ASTN2: variants seen among roughly 807,000 people sequenced by gnomAD.
ASTN2 encodes astrotactin 2.
Under a neutral mutation model 139.8 loss-of-function variants are expected in ASTN2, and 54 were observed. The ratio of observed to expected loss-of-function variants is 0.39; its 90% CI spans 0.31 to 0.48. ASTN2 has a LOEUF of 0.48. Ranked by LOEUF, ASTN2 falls within the 20% of genes least tolerant of loss-of-function variation. The pLI is 0.95. For missense variants in ASTN2, 1,565 were observed against 1,725.1 expected, an observed-to-expected ratio of 0.91 and a Z score of 1.64; for synonymous variants, 756 against 719.5, an observed-to-expected ratio of 1.05 and a Z score of -0.81.
rs75202675 is a variant in ASTN2 at position 117,268,273 on chromosome 9, G to A, written c.630+23053C>T. ...AGTGGTCGATATCAGGTGAATTAAT[G>A]TTGGATGGAATTCCTGGAGTCAAAT... is the stretch of plus-strand genomic sequence containing the variant. On this transcript the variant is annotated intron_variant, in intron 2 of 22. Coordinates refer to ENST00000313400, the MANE Select transcript of ASTN2 (RefSeq NM_001365068.1). 3.9e-5 allele frequency among the ~76,000 whole-genome samples: 6 copies of A among 152,320 alleles called. No homozygotes were observed. In the East Asian group the frequency reaches 1.2e-3, roughly 29 times the overall value.
At chr9:117,363,941 C>T (rs1213599618) in intron 1 of ASTN2, among the ~76,000 whole-genome samples, 2 of 152,148 alleles carry the variant, frequency 1.3e-5, no homozygotes, top group Non-Finnish European at 2.9e-5. Context: ...CATCCGCAAG[C>T]GTGGGCTGTT....
rs757902820 is a variant in ASTN2 at position 116,698,897 on chromosome 9, A to C, written c.2806+26874T>G. ...TCTACGTGACCAGTCAAGGTGAAGT[A>C]CTAGTCGCTGACCGTGGTAACTATC... On this transcript the variant is annotated intron_variant, in intron 16 of 22. Transcript: ENST00000313400. This position sits in a 1 kb window ranked among gnomAD's most constrained non-coding sequence, Gnocchi z 4.4. 14 of 1,614,234 alleles carry C rather than the reference A, an allele frequency of 8.7e-6. No homozygotes were observed. Among genetic ancestry groups the C allele is most frequent in the Non-Finnish European group, 4.2e-6 (5 of 1,180,046 alleles).
At chr9:117,176,767 C>T (rs148745592) in intron 3 of ASTN2, among the ~76,000 whole-genome samples, 281 of 152,056 alleles carry the variant, frequency 1.8e-3, no homozygotes, top group African/African-American at 6.4e-3. Flanking sequence ...ACTTCATCTC[C>T]AAAAAATTGT....
At chr9:117,049,209 A>G (rs750431665) in intron 5 of ASTN2, among the ~76,000 whole-genome samples, 1 of 151,994 alleles carries the variant, frequency 6.6e-6, no homozygotes, top group Non-Finnish European at 1.5e-5. Context: ...ATGTATCCAA[A>G]TGCCTCAAAG....
At chr9:117,123,980 G>A (rs139305203) in intron 4 of ASTN2, among the ~76,000 whole-genome samples, 101 of 152,250 alleles carry the variant, frequency 6.6e-4, no homozygotes, top group African/African-American at 1.9e-3. Context: ...GGCACGTAGC[G>A]TACACCCGAA....
At chr9:117,048,874 T>A (rs1372909362) in intron 5 of ASTN2, among the ~76,000 whole-genome samples, 4 of 152,014 alleles carry the variant, frequency 2.6e-5, no homozygotes, top group Non-Finnish European at 5.9e-5. Context: ...TCTTTTCATG[T>A]CACTATGTTG....
At chr9:116,726,089 G>T in intron 15 of ASTN2, 139 bp from the exon 16 acceptor site, 1 of 694,824 alleles carries the variant, frequency 1.4e-6, no homozygotes, top group Non-Finnish European at 2.4e-6. Flanking sequence ...GGCTGCACTA[G>T]TCCAAACATA....
intron 20 of ASTN2, among the ~76,000 whole-genome samples, chr9:116,476,758 C>T (rs150903997): frequency 5.9e-5 from 9 of 152,348 alleles, no homozygotes; most frequent in Admixed American, 1.3e-4. Context: ...GAGCAACACT[C>T]GCTGGTCCCC....
chr9:116,783,146 A>G (rs940827801), intron 13 of ASTN2, among the ~76,000 whole-genome samples: 1 of 152,114 alleles, frequency 6.6e-6, no homozygotes, highest in African/African-American at 2.4e-5. Context: ...CTGCGTCTCT[A>G]TCACCTCGAA....
At chr9:117,152,994 C>A (rs564014370) in intron 3 of ASTN2, among the ~76,000 whole-genome samples, 1 of 152,004 alleles carries the variant, frequency 6.6e-6, no homozygotes, top group African/African-American at 2.4e-5. Flanking sequence ...GAAGTATCTG[C>A]CTCATTTTTT....
intron 11 of ASTN2, among the ~76,000 whole-genome samples, chr9:116,831,308 A>C (rs1211289247): frequency 6.6e-6 from 1 of 152,236 alleles, no homozygotes; most frequent in African/African-American, 2.4e-5. Flanking sequence ...TCACTACTAC[A>C]CAATGTATGC....
At chr9:117,077,249 C>T (rs182015096) in intron 5 of ASTN2, among the ~76,000 whole-genome samples, 10 of 152,238 alleles carry the variant, frequency 6.6e-5, no homozygotes, top group Admixed American at 2.6e-4. Context: ...GGAGTTTTGG[C>T]GCGAGACTCA....
intron 11 of ASTN2, among the ~76,000 whole-genome samples, chr9:116,823,581 G>A (rs1326808): frequency 0.79 from 120,617 of 151,928 alleles, 48,070 homozygotes; most frequent in East Asian, 0.92. Flanking sequence ...AGCGAAGAAC[G>A]TGAAGCCAGG....
chr9:117,124,641 C>T (rs1564438186), intron 4 of ASTN2, among the ~76,000 whole-genome samples: 1 of 152,112 alleles, frequency 6.6e-6, no homozygotes. Context: ...TCACTTAAAT[C>T]TTCCTTACAT....
chr9:116,711,048 C>T (rs891659655), intron 16 of ASTN2, among the ~76,000 whole-genome samples: 1 of 152,110 alleles, frequency 6.6e-6, no homozygotes, highest in Non-Finnish European at 1.5e-5. Context: ...ATGAAACTTC[C>T]ATTAATTGAT....
chr9:117,362,550 T>C (rs961510786), intron 1 of ASTN2, among the ~76,000 whole-genome samples: 1 of 152,152 alleles, frequency 6.6e-6, no homozygotes. Context: ...GGGGGTCCTA[T>C]GGCCAGTCTC....
chr9:116,825,592 C>A (rs1831603269), intron 11 of ASTN2, among the ~76,000 whole-genome samples: 1 of 152,140 alleles, frequency 6.6e-6, no homozygotes, highest in Admixed American at 6.5e-5. Flanking sequence ...AAATGAGAAG[C>A]ACCAGAAGTA....
chr9:117,393,569 A>G (rs1016875142), intron 1 of ASTN2, among the ~76,000 whole-genome samples: 4 of 152,246 alleles, frequency 2.6e-5, no homozygotes, highest in African/African-American at 9.6e-5. Context: ...TTCTCGTGCC[A>G]TCACTCACAC....
chr9:116,642,146 C>CAA (rs59895161), intron 17 of ASTN2, among the ~76,000 whole-genome samples: 1 of 120,358 alleles, frequency 8.3e-6, no homozygotes, highest in Non-Finnish European at 1.6e-5. Context: ...AAAAAAAAAA[C>CAA]AAAAAAAAAC....
Sources: allele counts gnomAD v4.1 joint callset (sites outside exome capture counted in the v4.1 genomes callset), GRCh38; gene constraint gnomAD v4.1.1; non-coding constraint Gnocchi (gnomAD v3.1); transcripts MANE v1.5; gene names NCBI Gene and HGNC (gene_info 2026-07-23, HGNC 2026-07-21).